GGPS1: variants seen among roughly 807,000 people sequenced by gnomAD.
The protein encoded by GGPS1 is geranylgeranyl pyrophosphate synthase.
Under a neutral mutation model 28.1 loss-of-function variants are expected in GGPS1, and 15 were observed. The observed-to-expected ratio is 0.53, with a 90% CI of 0.36 to 0.82. The LOEUF (loss-of-function observed/expected upper bound fraction) is 0.82. GGPS1 is among the 40% of genes least tolerant of loss of function. The pLI is 0.01. For synonymous variants in GGPS1, 138 were observed against 122.4 expected (o/e 1.13, Z -0.84); for missense variants, 284 against 348.3 (o/e 0.82, Z 1.47).
At chr1:235,336,508 T>A (rs892067828) in intron 2 of GGPS1, among the ~76,000 whole-genome samples, 7 of 152,172 alleles carry the variant, frequency 4.6e-5, no homozygotes, top group Non-Finnish European at 1.0e-4. Flanking sequence ...ATAGACATAA[T>A]ATAGGCCAGG....
intron 1 of GGPS1, among the ~76,000 whole-genome samples, chr1:235,332,876 C>T (rs916366224): frequency 6.6e-5 from 10 of 151,780 alleles, no homozygotes; most frequent in East Asian, 1.9e-4. Context: ...ATTTAGAAAT[C>T]GAGGAACACT....
chr1:235,335,761 G>A (rs966409641), intron 2 of GGPS1, among the ~76,000 whole-genome samples: 1 of 152,130 alleles, frequency 6.6e-6, no homozygotes, highest in Non-Finnish European at 1.5e-5. Flanking sequence ...AAACATTTTG[G>A]TATCTCATTG....
chr1:235,328,428 C>T (rs1675514404), upstream of GGPS1: 1 of 152,186 alleles, frequency 6.6e-6, no homozygotes, highest in African/African-American at 2.4e-5. Context: ...AGTCCATACT[C>T]TGGGGCCAAC....
Position 235,340,597 on chromosome 1 carries a change from G to A in GGPS1, c.71-1111G>A, listed in dbSNP as rs545925396. On this transcript the variant is annotated intron_variant, in intron 2 of 3. Coordinates refer to ENST00000282841, the MANE Select transcript of GGPS1 (RefSeq NM_004837.4). ...TAAAAATACAAAAAATGAGCCGGGC[G>A]TGGTAGCGGGCGCCTGTAGTCCCAG... 4.7e-4 allele frequency among the ~76,000 whole-genome samples: 71 copies of A among 151,294 alleles called. 1 individual carries two copies. The highest frequency in any genetic ancestry group is 1.5e-3 in the African/African-American group (63 of 41,280).
intron 1 of GGPS1, 139 bp downstream of exon 1, chr1:235,328,917 CCT>C (rs907524573): frequency 2.0e-5 from 3 of 152,254 alleles, no homozygotes; most frequent in African/African-American, 7.2e-5. Flanking sequence ...TTTTCCATCC[CCT>C]AGCTTTAAGC....
At chr1:235,328,954 A>G (rs950635344) in intron 1 of GGPS1, 176 bp downstream of exon 1, 1 of 152,730 alleles carries the variant, frequency 6.5e-6, no homozygotes, top group South Asian at 2.0e-4. Flanking sequence ...AGGGTTGGCC[A>G]AGTGGGGCGG....
At chr1:235,330,991 C>A (rs1675696906) in intron 1 of GGPS1, among the ~76,000 whole-genome samples, 1 of 152,206 alleles carries the variant, frequency 6.6e-6, no homozygotes, top group Non-Finnish European at 1.5e-5. Flanking sequence ...TCCTGTTTTG[C>A]ATCTTCTTTT....
chr1:235,329,966 A>G (rs578040149), intron 1 of GGPS1: 8 of 152,220 alleles, frequency 5.3e-5, no homozygotes, highest in African/African-American at 1.9e-4. Context: ...GAAAGTGAGA[A>G]GTTTCAGACT....
rs778789384 is a variant in GGPS1 at position 235,342,086 on chromosome 1, C to G, written c.217C>G (p.Arg73Gly). 6.2e-7 allele frequency: 1 copy of G among 1,612,560 alleles called. No homozygotes were observed. The highest frequency in any genetic ancestry group is 8.5e-7 in the Non-Finnish European group (1 of 1,178,760). ...TGATATTGAAGACAACTCAAAACTCCGACGTGGCTTTCCAGTGGCCCACAG... is the reference window on the plus strand; with the variant it reads ...TGATATTGAAGACAACTCAAAACTCGGACGTGGCTTTCCAGTGGCCCACAG... The part of the protein sequence containing the change: ...IDDIEDNSKL[R>G]RGFPVAHSIY... Residue 73 changes from arginine (R) to glycine (G), a missense_variant, in exon 4 of 4, where the codon CGA becomes GGA. Transcript: ENST00000282841.
chr1:235,341,875 A>G, intron 3 of GGPS1, 97 bp downstream of exon 3: 1 of 873,448 alleles, frequency 1.1e-6, no homozygotes, highest in Non-Finnish European at 1.8e-6. Context: ...CTCATGCAAG[A>G]TATTATTTTA....
At chr1:235,338,848 A>G (rs1285355487) in intron 2 of GGPS1, among the ~76,000 whole-genome samples, 1 of 152,138 alleles carries the variant, frequency 6.6e-6, no homozygotes, top group African/African-American at 2.4e-5. Context: ...CCTGGGTGAC[A>G]GAGCGAGACC....
chr1:235,328,511 G>GA (rs1675524876), upstream of GGPS1: 1 of 152,562 alleles, frequency 6.6e-6, no homozygotes, highest in African/African-American at 2.4e-5. Context: ...GCGGGGGCGG[G>GA]GGGGAGGTGA....
Position 235,342,935 on chromosome 1 carries a change from A to G in GGPS1, c.*163A>G, listed in dbSNP as rs1676097858. Reference sequence around the variant, plus strand: ...CGTTTTCATTTAGAAGCCCCTCTGTACAGATAATCAAAATTCAAAGTTGAA... The same window carrying G: ...CGTTTTCATTTAGAAGCCCCTCTGTGCAGATAATCAAAATTCAAAGTTGAA... On this transcript the variant is annotated 3_prime_UTR_variant, in exon 4 of 4. Transcript: ENST00000282841. The G allele has an allele frequency of 2.1e-6, 1 of 482,238 alleles. No individual in the cohort carries two copies. Among genetic ancestry groups the G allele is most frequent in the Non-Finnish European group, 3.7e-6 (1 of 266,746 alleles). 29.9% of individuals were successfully genotyped at this position (482,238 alleles called of 1,614,324 possible).
rs556689839 is a variant in GGPS1, at chr1:235,338,395, G to C, written c.70+3061G>C. Reference sequence around the variant, plus strand: ...AGACCCCGTCTCAGAAAAAAAAAAGGGGGGGAAACTTAAAAGCATCAGGCT... The same window carrying C: ...AGACCCCGTCTCAGAAAAAAAAAAGCGGGGGAAACTTAAAAGCATCAGGCT... On this transcript the variant is annotated intron_variant, in intron 2 of 3. Coordinates refer to ENST00000282841, the MANE Select transcript of GGPS1 (RefSeq NM_004837.4). 2.1e-3 allele frequency among the ~76,000 whole-genome samples: 325 copies of C among 151,754 alleles called. 2 individuals carry two copies. Among genetic ancestry groups the C allele is most frequent in the African/African-American group, 7.6e-3 (316 of 41,368 alleles).
In GGPS1 at chr1:235,335,878, A is replaced by G. The variant is rs545571064; in HGVS notation, c.70+544A>G. On this transcript the variant is annotated intron_variant, in intron 2 of 3. Transcript: ENST00000282841. ...CAGTAGAACACTTTATTTACCATAC[A>G]TGTTCAAGTTTACCTTCTATGTCTG... Among the ~76,000 whole-genome samples, 11 of 152,350 alleles carry G rather than the reference A, an allele frequency of 7.2e-5. No homozygotes were observed. In the East Asian group the frequency reaches 2.1e-3, roughly 29 times the overall value.
Position 235,342,740 on chromosome 1 carries a change from T to TTAAG in GGPS1, c.876_879dup (p.Met294Ter). ...TGAGCTAGTAGCCTTAGTAAAACAC[T>TTAAG]TAAGTAAGATGTTCAAAGAAGAAAA... On this transcript the variant is annotated frameshift_variant, in exon 4 of 4. Coordinates refer to ENST00000282841, the MANE Select transcript of GGPS1 (RefSeq NM_004837.4). LOFTEE classifies it high-confidence loss of function. 1.3e-6 allele frequency: 2 copies of TTAAG among 1,590,338 alleles called. No homozygotes were observed. The highest frequency in any genetic ancestry group is 1.7e-6 in the Non-Finnish European group (2 of 1,170,340).
upstream of GGPS1, chr1:235,328,261 T>C (rs1432371384): frequency 2.7e-5 from 4 of 147,308 alleles, no homozygotes; most frequent in African/African-American, 1.0e-4. Context: ...CCTACCTCTT[T>C]CCCGGATGGC....
intron 1 of GGPS1, among the ~76,000 whole-genome samples, chr1:235,330,992 A>G (rs1675696962): frequency 6.6e-6 from 1 of 152,180 alleles, no homozygotes; most frequent in Admixed American, 6.6e-5. Context: ...CCTGTTTTGC[A>G]TCTTCTTTTC....
chr1:235,333,229 C>T (rs1342085904), intron 1 of GGPS1, among the ~76,000 whole-genome samples: 1 of 151,826 alleles, frequency 6.6e-6, no homozygotes, highest in African/African-American at 2.4e-5. Context: ...ATACAAGATG[C>T]ATATTTAAAT....
Sources: gnomAD v4.1 joint callset for allele counts (sites outside exome capture counted in the v4.1 genomes callset) on GRCh38, gnomAD v4.1.1 for gene constraint, MANE v1.5 for transcripts, NCBI Gene and HGNC (gene_info 2026-07-23, HGNC 2026-07-21) for gene names.